The following ABCB9 variants were observed in gnomAD, a reference collection of about 807,000 sequenced individuals.
ABCB9 encodes ABC-type oligopeptide transporter ABCB9.
In ABCB9, 36 loss-of-function variants were observed where a neutral mutation model predicts 62.0. The observed-to-expected ratio is 0.58, with a 90% CI of 0.45 to 0.77. The LOEUF is 0.77. ABCB9 is among the 30% of genes least tolerant of loss of function. The pLI, the probability that ABCB9 is intolerant of heterozygous loss-of-function variation, is 0.00. For synonymous variants in ABCB9, 435 were observed against 461.4 expected, an observed-to-expected ratio of 0.94 and a Z score of 0.73; for missense variants, 943 against 1,054.7, an observed-to-expected ratio of 0.89 and a Z score of 1.47.
chr12:122,956,317 A>C (rs1212550225), intron 2 of ABCB9, among the ~76,000 whole-genome samples: 1 of 152,164 alleles, frequency 6.6e-6, no homozygotes, highest in Non-Finnish European at 1.5e-5. Flanking sequence ...TAAGACTTAG[A>C]GGGGTTAAAT....
chr12:122,937,386 C>T (rs2035514727), intron 9 of ABCB9, among the ~76,000 whole-genome samples: 1 of 150,720 alleles, frequency 6.6e-6, no homozygotes, highest in Non-Finnish European at 1.5e-5. Flanking sequence ...AGAAAAAGTA[C>T]ATAAATAAAT....
At chr12:122,922,546 A>ATTTT (rs1403917081) in intron 11 of ABCB9, among the ~76,000 whole-genome samples, 7 of 151,926 alleles carry the variant, frequency 4.6e-5, no homozygotes, top group Admixed American at 1.3e-4. Context: ...CGCCCGGCTA[A>ATTTT]TTTTTGTATT....
chr12:122,974,032 A>G (rs947778137), intron 1 of ABCB9, among the ~76,000 whole-genome samples: 1 of 152,190 alleles, frequency 6.6e-6, no homozygotes, highest in South Asian at 2.1e-4. Flanking sequence ...GTGAAACTCT[A>G]TCTCAAAAAG....
intron 9 of ABCB9, among the ~76,000 whole-genome samples, chr12:122,935,859 AT>A (rs2035432221): frequency 6.6e-6 from 1 of 152,156 alleles, no homozygotes; most frequent in Non-Finnish European, 1.5e-5. Context: ...TAAGAGAACA[AT>A]TTAAAGGAGC....
At chr12:122,942,978 A>G (rs1339044018) in intron 7 of ABCB9, among the ~76,000 whole-genome samples, 1 of 152,160 alleles carries the variant, frequency 6.6e-6, no homozygotes, top group Admixed American at 6.5e-5. Flanking sequence ...AGCAGATGCT[A>G]GGAACACCCC....
intron 9 of ABCB9, among the ~76,000 whole-genome samples, chr12:122,937,157 A>C (rs796163915): frequency 1.1e-4 from 17 of 152,114 alleles, no homozygotes; most frequent in African/African-American, 4.1e-4. Flanking sequence ...CAGGAGTTCG[A>C]GACCAGCCTG....
chr12:122,950,387 C>G, intron 3 of ABCB9, 64 bp downstream of exon 3: 1 of 1,463,806 alleles, frequency 6.8e-7, no homozygotes, highest in Non-Finnish European at 9.3e-7. Context: ...GGAACAGGCC[C>G]TCCCTTCCCT....
Position 122,931,845 on chromosome 12 carries a change from T to TGTTGG in ABCB9, c.2040+342_2040+346dup, listed in dbSNP as rs1358108897. 3 of 305,338 alleles carry TGTTGG rather than the reference T, an allele frequency of 9.8e-6. No individual in the cohort carries two copies. In the East Asian group the frequency reaches 2.4e-4, roughly 24 times the overall value. 18.9% of individuals were successfully genotyped at this position (305,338 alleles called of 1,614,324 possible). ...TTCTAGTAGAGATGGGGTTTCACCA[T>TGTTGG]GTTGGCCAGGCTGGTCTGCAACTCC... On this transcript the variant is annotated intron_variant, in intron 11 of 11. Coordinates refer to ENST00000280560, the MANE Select transcript of ABCB9 (RefSeq NM_019625.4).
downstream of ABCB9, chr12:122,920,924 T>C: frequency 8.2e-7 from 1 of 1,221,000 alleles, no homozygotes; most frequent in Non-Finnish European, 1.1e-6. Flanking sequence ...AAAAAAAAAA[T>C]CACATAAAGC....
downstream of ABCB9, among the ~76,000 whole-genome samples, chr12:122,927,721 G>A (rs538025176): frequency 6.6e-6 from 1 of 152,206 alleles, no homozygotes; most frequent in East Asian, 1.9e-4. Flanking sequence ...GAAGCCCCTT[G>A]CGAGGGACTT....
chr12:122,925,654 A>G (rs1408427472), downstream of ABCB9, among the ~76,000 whole-genome samples: 1 of 152,152 alleles, frequency 6.6e-6, no homozygotes, highest in Non-Finnish European at 1.5e-5. Context: ...CGGCTGAGGC[A>G]GGAGAATGGC....
Position 122,940,260 on chromosome 12 carries a change from C to T in ABCB9, c.1594G>A (p.Gly532Ser), listed in dbSNP as rs564444198. Residue 532 changes from glycine to serine, a missense_variant, in exon 9 of 12, where the codon GGC (glycine) becomes AGC (serine). By Grantham distance (56) the Gly-to-Ser change is moderately conservative. Coordinates refer to ENST00000280560, the MANE Select transcript of ABCB9 (RefSeq NM_019625.4). This position sits in a 1 kb window ranked among gnomAD's most constrained non-coding sequence, Gnocchi z 4.8. ...GGCCCCACCAGGGCCGTCACCTTGC[C>T]GGGGGACAGGCTGAAGGAGACATTC... ...LQNVSFSLSPGKVTALVGPSG... is the reference protein window; with the variant it reads ...LQNVSFSLSPSKVTALVGPSG... 1.5e-4 allele frequency: 244 copies of T among 1,605,024 alleles called. No homozygotes were observed. Among genetic ancestry groups the T allele is most frequent in the Non-Finnish European group, 2.0e-4 (238 of 1,174,876 alleles).
chr12:122,960,120 C>T lies in ABCB9; in HGVS notation c.116G>A (p.Arg39His), dbSNP rs777134549. The T allele has an allele frequency of 5.9e-5, 95 of 1,613,568 alleles. No individual in the cohort carries two copies. Among genetic ancestry groups the T allele is most frequent in the Middle Eastern group, 1.6e-4 (1 of 6,084 alleles). Residue 39 changes from arginine to histidine, a missense_variant, in exon 2 of 12, where the codon CGC becomes CAC. Coordinates refer to ENST00000280560, the MANE Select transcript of ABCB9 (RefSeq NM_019625.4). Reference protein sequence around the residue: ...HLDRSLLEDIRHFNIFDSVLD... With the variant: ...HLDRSLLEDIHHFNIFDSVLD... ...CACCGAGTCAAAGATGTTGAAGTGG[C>T]GGATGTCCTCCAGGAGGCTGCGGTC...
At chr12:122,948,278 C>T (rs1025779640) in intron 5 of ABCB9, 4 of 169,374 alleles carry the variant, frequency 2.4e-5, no homozygotes, top group Non-Finnish European at 2.5e-5. Context: ...CCAATGCTCC[C>T]AATCCCTCTG....
At chr12:122,962,448 T>C (rs2036954443) in intron 1 of ABCB9, among the ~76,000 whole-genome samples, 1 of 152,118 alleles carries the variant, frequency 6.6e-6, no homozygotes, top group Non-Finnish European at 1.5e-5. Flanking sequence ...AGAGATCCTC[T>C]CCCCGAAGCT....
Position 122,932,102 on chromosome 12 carries a change from C to G in ABCB9, c.2040+90G>C. 1 of 1,545,190 alleles carries G rather than the reference C, an allele frequency of 6.5e-7. No homozygotes were observed. On this transcript the variant is annotated intron_variant, in intron 11 of 11. Coordinates refer to ENST00000280560, the MANE Select transcript of ABCB9 (RefSeq NM_019625.4). This position sits in a 1 kb window ranked among gnomAD's most constrained non-coding sequence, Gnocchi z 4.7. Reference sequence around the variant, plus strand: ...GTCTGGGAGAGCTCCTGGGGCCCGTCTCTTCTCAGCATCCATCTGCTGGGC... The same window carrying G: ...GTCTGGGAGAGCTCCTGGGGCCCGTGTCTTCTCAGCATCCATCTGCTGGGC...
At chr12:122,936,827 C>T (rs2035479862) in intron 9 of ABCB9, among the ~76,000 whole-genome samples, 1 of 151,432 alleles carries the variant, frequency 6.6e-6, no homozygotes, top group Admixed American at 6.6e-5. Context: ...TCACTTGACC[C>T]CTCGAGGCGG....
chr12:122,971,386 C>T (rs76148573), upstream of ABCB9, among the ~76,000 whole-genome samples: 1 of 53,942 alleles, frequency 1.9e-5, no homozygotes, highest in Admixed American at 2.2e-4. Flanking sequence ...GACTCCATCT[C>T]AAAAAAAAAA....
At chr12:122,949,979 C>T (rs2036270814) in intron 3 of ABCB9, 61 bp from the exon 4 acceptor site, 15 of 1,603,470 alleles carry the variant, frequency 9.4e-6, no homozygotes, top group African/African-American at 2.7e-5. Flanking sequence ...CCACACCCGG[C>T]TGCCCCCTCC....
Sources: allele counts gnomAD v4.1 joint callset (sites outside exome capture counted in the v4.1 genomes callset), GRCh38; gene constraint gnomAD v4.1.1; non-coding constraint Gnocchi (gnomAD v3.1); transcripts MANE v1.5; gene names NCBI Gene and HGNC (gene_info 2026-07-23, HGNC 2026-07-21).